The following MEF2C variants were observed in gnomAD, a reference collection of about 807,000 sequenced individuals.
MEF2C encodes the protein myocyte enhancer factor 2C, also known as myocyte-specific enhancer factor 2C.
Under a neutral mutation model 50.5 loss-of-function variants are expected in MEF2C, and 6 were observed. The ratio of observed to expected loss-of-function variants is 0.12; its 90% confidence interval spans 0.07 to 0.23. The LOEUF (loss-of-function observed/expected upper bound fraction) is 0.23. Among genes scored for constraint, MEF2C ranks in the 10% least tolerant of loss-of-function variants. The pLI is 1.00. For missense variants in MEF2C, 276 were observed against 605.0 expected, an observed-to-expected ratio of 0.46 and a Z score of 5.70; for synonymous variants, 183 against 228.0, an observed-to-expected ratio of 0.80 and a Z score of 1.78.
chr5:88,759,364 C>G (rs1776839758), intron 4 of MEF2C, among the ~76,000 whole-genome samples: 1 of 152,150 alleles, frequency 6.6e-6, no homozygotes, highest in African/African-American at 2.4e-5. Context: ...TGCTTGTAAT[C>G]CTAGCTATTC....
intron 3 of MEF2C, among the ~76,000 whole-genome samples, chr5:88,769,649 G>A (rs1020498475): frequency 7.4e-5 from 11 of 148,732 alleles, no homozygotes; most frequent in Admixed American, 7.3e-4. Flanking sequence ...TATAGCTATA[G>A]TTGTTGTTGT....
intron 3 of MEF2C, among the ~76,000 whole-genome samples, chr5:88,783,098 G>C (rs1788964514): frequency 6.6e-6 from 1 of 151,984 alleles, no homozygotes; most frequent in South Asian, 2.1e-4. Context: ...AGCCTAAAAA[G>C]GACTACCAAT....
Position 88,872,134 on chromosome 5 carries a change from A to G in MEF2C, c.-143+10821T>C, listed in dbSNP as rs1829708295. 2.6e-5 allele frequency among the ~76,000 whole-genome samples: 4 copies of G among 152,160 alleles called. No individual in the cohort carries two copies. In the South Asian group the frequency reaches 6.2e-4, roughly 24 times the overall value. On this transcript the variant is annotated intron_variant, in intron 1 of 10. Transcript: ENST00000504921. ...CAAAGTTGTCTAATAAGAAAAATAA[A>G]AAAAAGGTTATTAATGTATACAAAA...
rs1216530560 is a variant in MEF2C, at chr5:88,722,064, G to A, written c.*540C>T. ...TTAATGGTCTCTGATCCTTTTTAATGAGTGCCATACGCCAATGATATGCCT... is the reference window on the plus strand; with the variant it reads ...TTAATGGTCTCTGATCCTTTTTAATAAGTGCCATACGCCAATGATATGCCT... On this transcript the variant is annotated 3_prime_UTR_variant, in exon 11 of 11. Coordinates refer to ENST00000504921, the MANE Select transcript of MEF2C (RefSeq NM_002397.5). 1 of 152,254 alleles carries A rather than the reference G, an allele frequency of 6.6e-6. No homozygotes were observed. The highest frequency in any genetic ancestry group is 6.5e-5 in the Admixed American group (1 of 15,272). The allele number at this position is 152,254 out of a possible 1,614,324, so 9.4% of individuals were successfully genotyped here. A position where few individuals can be genotyped will look rare whatever the true frequency, so the allele number is the denominator to read the frequency against.
intron 4 of MEF2C, among the ~76,000 whole-genome samples, chr5:88,758,290 G>A (rs932777995): frequency 3.3e-5 from 5 of 151,620 alleles, no homozygotes; most frequent in Non-Finnish European, 7.4e-5. Flanking sequence ...ACTTGCACCC[G>A]CCTCTCATTC....
At chr5:88,755,585 G>A (rs906875393) in intron 4 of MEF2C, among the ~76,000 whole-genome samples, 1 of 152,134 alleles carries the variant, frequency 6.6e-6, no homozygotes, top group Non-Finnish European at 1.5e-5. Context: ...GAGTGTCTCA[G>A]GTTTTAGGAA....
chr5:88,869,866 C>T (rs139040975), intron 1 of MEF2C, among the ~76,000 whole-genome samples: 132 of 150,184 alleles, frequency 8.8e-4, no homozygotes, highest in Middle Eastern at 3.4e-3. Context: ...GATGGTGTAT[C>T]ACGCGTCTCT....
At chr5:88,809,473 AT>A (rs1355949386) in intron 2 of MEF2C, among the ~76,000 whole-genome samples, 1 of 152,148 alleles carries the variant, frequency 6.6e-6, no homozygotes, top group Non-Finnish European at 1.5e-5. Flanking sequence ...ATAAAATAAT[AT>A]CTCCCTTGTT....
rs962260818 is a variant in MEF2C at position 88,737,581 on chromosome 5, AT to A, written c.638-5681del. ...CTCATACAGAACTTTTCACCAAAAGATAAGCTGCATGGTATCCTAGGGAAAA... is the reference window on the plus strand; with the variant it reads ...CTCATACAGAACTTTTCACCAAAAGAAAGCTGCATGGTATCCTAGGGAAAA... On this transcript the variant is annotated intron_variant, in intron 6 of 10. Transcript: ENST00000504921. 4.1e-6 allele frequency: 4 copies of A among 985,304 alleles called. No homozygotes were observed. The African/African-American group carries it at 7.0e-5, about 17-fold the overall frequency. 61.0% of individuals were successfully genotyped at this position (985,304 alleles called of 1,614,324 possible).
chr5:88,884,742 G>T (rs1169911152), upstream of MEF2C, among the ~76,000 whole-genome samples: 1 of 146,942 alleles, frequency 6.8e-6, no homozygotes, highest in African/African-American at 2.5e-5. Flanking sequence ...CAGAAATAGA[G>T]ACTGATAAGG....
At position 88,825,347 on chromosome 5, in the gene MEF2C, C is replaced by A. The variant is rs1810394169; in HGVS notation, c.-142-1417G>T. 5 of 230,718 alleles carry A rather than the reference C, an allele frequency of 2.2e-5. No individual in the cohort carries two copies. The South Asian group carries it at 8.0e-4, about 37-fold the overall frequency. 14.3% of individuals were successfully genotyped at this position (230,718 alleles called of 1,614,324 possible). On this transcript the variant is annotated intron_variant, in intron 1 of 10. Transcript: ENST00000504921. ...ATTACTTCTGGTGGATTAAGTGCTGCTTAAATACTAAGACTATCCATTCTC... is the reference window on the plus strand; with the variant it reads ...ATTACTTCTGGTGGATTAAGTGCTGATTAAATACTAAGACTATCCATTCTC...
chr5:88,866,159 G>C (rs1827300035), intron 1 of MEF2C, among the ~76,000 whole-genome samples: 1 of 152,226 alleles, frequency 6.6e-6, no homozygotes, highest in Non-Finnish European at 1.5e-5. Context: ...GCCTCCCAAA[G>C]TGCTGGGATT....
At chr5:88,723,608 C>T (rs187621422) in intron 10 of MEF2C, among the ~76,000 whole-genome samples, 3 of 152,204 alleles carry the variant, frequency 2.0e-5, no homozygotes, top group Admixed American at 2.0e-4. Context: ...ACTTTCTACT[C>T]CATTAAAACT....
intron 3 of MEF2C, among the ~76,000 whole-genome samples, chr5:88,804,351 T>G (rs1799500586): frequency 6.6e-6 from 1 of 152,194 alleles, no homozygotes; most frequent in South Asian, 2.1e-4. Context: ...GCAAATAGTT[T>G]GACACTGGTA....
intron 6 of MEF2C, chr5:88,742,067 G>C: frequency 2.0e-6 from 2 of 985,340 alleles, no homozygotes; most frequent in Non-Finnish European, 2.4e-6. Context: ...ATTGGCAAAG[G>C]TTTGTCTAAA....
intron 6 of MEF2C, chr5:88,734,565 G>GC (rs1763121099): frequency 2.2e-6 from 1 of 460,474 alleles, no homozygotes; most frequent in South Asian, 1.2e-4. Flanking sequence ...AGAAAAGTTT[G>GC]TTTTTTTTTT....
At chr5:88,728,690 T>C (rs1760003626) in intron 9 of MEF2C, 62 bp from the exon 10 acceptor site, 16 of 1,182,092 alleles carry the variant, frequency 1.4e-5, no homozygotes, top group East Asian at 3.1e-5. Flanking sequence ...AAATGGTAAA[T>C]AGAATAAACA....
At chr5:88,888,460 A>C (rs1401214955) in intron 1 of MEF2C, among the ~76,000 whole-genome samples, 1 of 152,216 alleles carries the variant, frequency 6.6e-6, no homozygotes, top group East Asian at 1.9e-4. Flanking sequence ...GTTGCTTCAG[A>C]GTCAAAGAGA....
chr5:88,750,247 A>G (rs140027169), intron 5 of MEF2C: 2,937 of 255,554 alleles, frequency 0.011, 86 homozygotes, highest in African/African-American at 0.065. Flanking sequence ...TCTGTTGCCC[A>G]GGCTGGAGTA....
Sources: allele counts gnomAD v4.1 joint callset (sites outside exome capture counted in the v4.1 genomes callset), GRCh38; gene constraint gnomAD v4.1.1; transcripts MANE v1.5; gene names NCBI Gene and HGNC (gene_info 2026-07-23, HGNC 2026-07-21).